Variants in PDE6G observed in about 807,000 individuals in gnomAD.
The protein encoded by PDE6G is phosphodiesterase 6G.
In PDE6G, 10 loss-of-function variants were observed where a neutral mutation model predicts 10.9. The ratio of observed to expected loss-of-function variants is 0.91; its 90% confidence interval spans 0.56 to 1.55. The LOEUF (loss-of-function observed/expected upper bound fraction) is 1.55. PDE6G is among the 40% of genes most tolerant of loss of function. The pLI, the probability that PDE6G is intolerant of heterozygous loss-of-function variation, is 0.00. For missense variants in PDE6G, 102 were observed against 110.1 expected, an observed-to-expected ratio of 0.93 and a Z score of 0.33; for synonymous variants, 41 against 42.8, an observed-to-expected ratio of 0.96 and a Z score of 0.16.
At position 81,650,461 on chromosome 17, in the gene PDE6G, C is replaced by A. The variant is rs1259928062; in HGVS notation, c.*613G>T. 4 of 448,594 alleles carry A rather than the reference C, an allele frequency of 8.9e-6. No individual in the cohort carries two copies. The highest frequency in any genetic ancestry group is 1.8e-5 in the Non-Finnish European group (4 of 222,766). 27.8% of individuals were successfully genotyped at this position (448,594 alleles called of 1,614,324 possible). On this transcript the variant is annotated 3_prime_UTR_variant, in exon 4 of 4. Transcript: ENST00000331056. Reference sequence around the variant, plus strand: ...CATGCACAAATATGCCACAGACAGGCAAGGACACACTAATTTTATTTTGAA... The same window carrying A: ...CATGCACAAATATGCCACAGACAGGAAAGGACACACTAATTTTATTTTGAA...
chr17:81,651,365 T>C lies in PDE6G; in HGVS notation c.188-215A>G, dbSNP rs970502988. Reference sequence around the variant, plus strand: ...TCCAGGGGAGGGAACCAGAGGAGGGTGGGGCTTGCTGAAGGGGGAGGAGGC... The same window carrying C: ...TCCAGGGGAGGGAACCAGAGGAGGGCGGGGCTTGCTGAAGGGGGAGGAGGC... On this transcript the variant is annotated intron_variant, in intron 3 of 3. Coordinates refer to ENST00000331056, the MANE Select transcript of PDE6G (RefSeq NM_002602.4). The surrounding 1 kb of genome is among the most constrained non-coding windows in gnomAD (Gnocchi z 4.8). Among the ~76,000 whole-genome samples the C allele has an allele frequency of 1.0e-4, 15 of 150,026 alleles. 1 individual carries two copies. Among genetic ancestry groups the C allele is most frequent in the Non-Finnish European group, 1.8e-4 (12 of 67,338 alleles).
At chr17:81,660,813 A>G (rs1271171347), upstream of PDE6G, among the ~76,000 whole-genome samples, 3 of 152,122 alleles carry the variant, frequency 2.0e-5, no homozygotes, top group African/African-American at 7.2e-5. Flanking sequence ...GTTTTTTGCC[A>G]TGGCTTTTCT....
chr17:81,654,379 CT>C (rs11431043), intron 1 of PDE6G, among the ~76,000 whole-genome samples: 1,454 of 128,394 alleles, frequency 0.011, 15 homozygotes, highest in African/African-American at 0.034. Flanking sequence ...CCCTCTGATT[CT>C]TTTTTTTTTT....
Position 81,651,291 on chromosome 17 carries a change from T to C in PDE6G, c.188-141A>G. Reference sequence around the variant, plus strand: ...ACGTGCGGACGCTGGAGTGGGGCCCTCCTCTGGGGACACACTGGCTGTGGG... The same window carrying C: ...ACGTGCGGACGCTGGAGTGGGGCCCCCCTCTGGGGACACACTGGCTGTGGG... On this transcript the variant is annotated intron_variant, in intron 3 of 3. Transcript: ENST00000331056. This position sits in a 1 kb window ranked among gnomAD's most constrained non-coding sequence, Gnocchi z 4.8. 1.4e-6 allele frequency: 1 copy of C among 692,444 alleles called. No homozygotes were observed. Among genetic ancestry groups the C allele is most frequent in the Non-Finnish European group, 2.6e-6 (1 of 384,732 alleles). 42.9% of individuals were successfully genotyped at this position (692,444 alleles called of 1,614,324 possible). A position where few individuals can be genotyped will look rare whatever the true frequency, so the allele number is the denominator to read the frequency against.
At chr17:81,656,573 C>G (rs777795508), upstream of PDE6G, 2 of 759,174 alleles carry the variant, frequency 2.6e-6, no homozygotes, top group Admixed American at 1.7e-5. Context: ...GCCTTTATCT[C>G]GCTGCTTCAT....
chr17:81,653,447 T>C lies in PDE6G; in HGVS notation c.-59-83A>G. ...GGTCTCAACCCACCGGTGGAGGGGCTGAGACCCAGCCCCGCCAGCTCCAGC... is the reference window on the plus strand; with the variant it reads ...GGTCTCAACCCACCGGTGGAGGGGCCGAGACCCAGCCCCGCCAGCTCCAGC... On this transcript the variant is annotated intron_variant, in intron 1 of 3. Transcript: ENST00000331056. This position sits in a 1 kb window ranked among gnomAD's most constrained non-coding sequence, Gnocchi z 5.2. 2.2e-6 allele frequency: 2 copies of C among 925,400 alleles called. No individual in the cohort carries two copies. The highest frequency in any genetic ancestry group is 3.3e-6 in the Non-Finnish European group (2 of 609,230). The allele number at this position is 925,400 out of a possible 1,614,324, so 57.3% of individuals were successfully genotyped here.
At chr17:81,655,275 C>T (rs907745611) in intron 1 of PDE6G, among the ~76,000 whole-genome samples, 4 of 152,210 alleles carry the variant, frequency 2.6e-5, no homozygotes, top group African/African-American at 9.6e-5. Flanking sequence ...GTCTCAGAGA[C>T]TTGGTGCTGA....
Sources: gnomAD v4.1 joint callset for allele counts (sites outside exome capture counted in the v4.1 genomes callset) on GRCh38, gnomAD v4.1.1 for gene constraint, Gnocchi (gnomAD v3.1) non-coding constraint, MANE v1.5 for transcripts, NCBI Gene and HGNC (gene_info 2026-07-23, HGNC 2026-07-21) for gene names.